Variants in PTPDC1 observed in about 807,000 individuals in gnomAD.
PTPDC1 encodes protein tyrosine phosphatase domain-containing protein 1.
In PTPDC1, 53 loss-of-function variants were observed where a neutral mutation model predicts 75.3. The observed-to-expected ratio is 0.70, with a 90% CI of 0.56 to 0.88. The LOEUF is 0.88. PTPDC1 is among the 40% of genes least tolerant of loss of function. The pLI is 0.00. For missense variants in PTPDC1, 925 were observed against 998.6 expected, an observed-to-expected ratio of 0.93 and a Z score of 0.99; for synonymous variants, 349 against 366.2, an observed-to-expected ratio of 0.95 and a Z score of 0.54.
At chr9:94,081,185 T>G (rs1018574117), upstream of PTPDC1, among the ~76,000 whole-genome samples, 1 of 152,092 alleles carries the variant, frequency 6.6e-6, no homozygotes, top group Non-Finnish European at 1.5e-5. Context: ...AGACTGGGTT[T>G]CACCATGTTG....
At chr9:94,105,897 C>T (rs930703658) in intron 8 of PTPDC1, among the ~76,000 whole-genome samples, 6 of 151,568 alleles carry the variant, frequency 4.0e-5, no homozygotes, top group African/African-American at 1.5e-4. Context: ...GGTGTGAACC[C>T]GGGAGGCGGA....
intron 1 of PTPDC1, 81 bp from the exon 2 acceptor site, chr9:94,085,170 G>A (rs1005432700): frequency 7.9e-6 from 10 of 1,268,540 alleles, no homozygotes; most frequent in African/African-American, 2.9e-5. Context: ...ACCATCCTGA[G>A]ATAAAATGGA....
chr9:94,091,559 C>G (rs1827320312), intron 4 of PTPDC1, among the ~76,000 whole-genome samples: 2 of 152,006 alleles, frequency 1.3e-5, no homozygotes, highest in African/African-American at 4.8e-5. Context: ...TTTGTTGTGT[C>G]TCTGCCTGGC....
chr9:94,074,385 G>A (rs375444475), intron 2 of PTPDC1, among the ~76,000 whole-genome samples: 5 of 152,224 alleles, frequency 3.3e-5, no homozygotes, highest in African/African-American at 7.2e-5. Context: ...CCTTTGAGTC[G>A]GGGGGATAAG....
chr9:94,049,634 G>A (rs1825724530), intron 1 of PTPDC1, among the ~76,000 whole-genome samples: 1 of 152,126 alleles, frequency 6.6e-6, no homozygotes, highest in African/African-American at 2.4e-5. Context: ...TTTCTCTCTG[G>A]CTGCCCTTAA....
chr9:94,045,393 G>C (rs1825564666), intron 1 of PTPDC1, among the ~76,000 whole-genome samples: 2 of 152,124 alleles, frequency 1.3e-5, no homozygotes, highest in African/African-American at 2.4e-5. Context: ...GGTAATTCTA[G>C]ATCTAGAACC....
chr9:94,074,743 G>A (rs1019969782), intron 2 of PTPDC1, among the ~76,000 whole-genome samples: 7 of 152,182 alleles, frequency 4.6e-5, no homozygotes, highest in Non-Finnish European at 8.8e-5. Context: ...AAGCTCCCCT[G>A]TTGCTTGGGG....
chr9:94,068,260 T>C (rs1380346197), intron 2 of PTPDC1, among the ~76,000 whole-genome samples: 1 of 152,184 alleles, frequency 6.6e-6, no homozygotes, highest in Non-Finnish European at 1.5e-5. Flanking sequence ...GAGACCCCCA[T>C]TCAAGTTTTG....
intron 2 of PTPDC1, among the ~76,000 whole-genome samples, chr9:94,074,111 G>C (rs954456036): frequency 6.6e-6 from 1 of 152,178 alleles, no homozygotes; most frequent in Admixed American, 6.5e-5. Flanking sequence ...GGTATGACAA[G>C]TGATTTTCAA....
chr9:94,058,939 C>A (rs1013161580), intron 1 of PTPDC1, among the ~76,000 whole-genome samples: 1 of 152,056 alleles, frequency 6.6e-6, no homozygotes, highest in Non-Finnish European at 1.5e-5. Flanking sequence ...TGCAGTGAGC[C>A]GAGATTGTGC....
At chr9:94,059,617 G>T (rs546521651) in intron 1 of PTPDC1, among the ~76,000 whole-genome samples, 2 of 152,124 alleles carry the variant, frequency 1.3e-5, no homozygotes, top group African/African-American at 2.4e-5. Flanking sequence ...TCAGTAGTAT[G>T]GTTTAAAGAC....
At chr9:94,094,751 C>G (rs73623710) in intron 4 of PTPDC1, among the ~76,000 whole-genome samples, 1 of 152,224 alleles carries the variant, frequency 6.6e-6, no homozygotes. Context: ...TAGGACCCTC[C>G]GAGCCAGGTG....
intron 1 of PTPDC1, among the ~76,000 whole-genome samples, chr9:94,031,772 G>A (rs1829732667): frequency 6.6e-6 from 1 of 152,224 alleles, no homozygotes; most frequent in Non-Finnish European, 1.5e-5. Context: ...TGTCTAAAAC[G>A]TCTCCTGGGA....
Position 94,097,993 on chromosome 9 carries a change from A to C in PTPDC1, c.1427A>C (p.His476Pro). 2 of 1,614,202 alleles carry C rather than the reference A, an allele frequency of 1.2e-6. No homozygotes were observed. Among genetic ancestry groups the C allele is most frequent in the Non-Finnish European group, 1.7e-6 (2 of 1,180,028 alleles). ...GTGCCTGCCCAGATCTTGGTTGGCC[A>C]CAAGCCCAGGCAGCAGAAGCTCATA... ...QTVPAQILVG[H>P]KPRQQKLISH... The change falls in exon 6 of 9, where the codon CAC becomes CCC. Residue 476 changes from histidine (H) to proline (P), a missense_variant. Coordinates refer to ENST00000620992, the MANE Select transcript of PTPDC1 (RefSeq NM_001253829.2).
intron 2 of PTPDC1, among the ~76,000 whole-genome samples, chr9:94,077,392 C>T (rs1170931345): frequency 6.6e-6 from 1 of 152,174 alleles, no homozygotes; most frequent in African/African-American, 2.4e-5. Flanking sequence ...TTGCCTCCTA[C>T]TTCTGATGCC....
chr9:94,090,233 A>T (rs1827262597), intron 4 of PTPDC1, among the ~76,000 whole-genome samples: 1 of 92,670 alleles, frequency 1.1e-5, no homozygotes, highest in Non-Finnish European at 2.0e-5. Context: ...TAAGTCTTTA[A>T]TCCATCTTGA....
chr9:94,095,246 C>A, intron 4 of PTPDC1, 71 bp from the exon 5 acceptor site: 2 of 930,838 alleles, frequency 2.1e-6, no homozygotes, highest in Non-Finnish European at 2.9e-6. Context: ...GATCTGTGTA[C>A]TTTTCATTAG....
At chr9:94,104,781 A>G (rs1049086809) in intron 8 of PTPDC1, among the ~76,000 whole-genome samples, 1 of 152,174 alleles carries the variant, frequency 6.6e-6, no homozygotes, top group Non-Finnish European at 1.5e-5. Flanking sequence ...TAAACATCCC[A>G]CATTGCTAAT....
intron 2 of PTPDC1, among the ~76,000 whole-genome samples, chr9:94,067,891 C>G (rs1826368554): frequency 6.6e-6 from 1 of 152,188 alleles, no homozygotes; most frequent in Admixed American, 6.5e-5. Flanking sequence ...CGTGAGCTAC[C>G]GTGCCCGGCT....
Sources: allele counts gnomAD v4.1 joint callset (sites outside exome capture counted in the v4.1 genomes callset), GRCh38; gene constraint gnomAD v4.1.1; transcripts MANE v1.5; gene names NCBI Gene and HGNC (gene_info 2026-07-23, HGNC 2026-07-21).